Variants in P2RX4 observed in about 807,000 individuals in gnomAD.
P2RX4 encodes P2X purinoceptor 4.
A neutral mutation model predicts 48.0 loss-of-function variants in P2RX4; 37 were observed. The ratio of observed to expected loss-of-function variants is 0.77; its 90% CI spans 0.59 to 1.01. The LOEUF (loss-of-function observed/expected upper bound fraction) is 1.01, where lower values mean the gene tolerates loss of function less well. Among genes scored for constraint, P2RX4 ranks in the 50% least tolerant of loss-of-function variants. The pLI, the probability that P2RX4 is intolerant of heterozygous loss-of-function variation, is 0.00. For synonymous variants in P2RX4, 200 were observed against 199.7 expected (o/e 1.00, Z -0.01); for missense variants, 501 against 521.4 (o/e 0.96, Z 0.38).
At chr12:121,230,938 A>G (rs892292839) in intron 8 of P2RX4, among the ~76,000 whole-genome samples, 120 of 148,530 alleles carry the variant, frequency 8.1e-4, no homozygotes, top group African/African-American at 2.7e-3. Context: ...ATATATGTGT[A>G]TATATATATA....
intron 5 of P2RX4, 27 bp downstream of exon 5, chr12:121,223,070 G>C: frequency 6.9e-7 from 1 of 1,450,302 alleles, no homozygotes. Flanking sequence ...GGAAGGAAGT[G>C]CCTTTTTGTT....
intron 1 of P2RX4, among the ~76,000 whole-genome samples, chr12:121,212,453 G>C (rs1219155508): frequency 6.6e-6 from 1 of 150,622 alleles, no homozygotes; most frequent in African/African-American, 2.4e-5. Context: ...AGTTTAAAAT[G>C]GTAAATTGTA....
chr12:121,213,586 A>G (rs1230976572), intron 1 of P2RX4: 1 of 152,088 alleles, frequency 6.6e-6, no homozygotes, highest in African/African-American at 2.4e-5. Context: ...TTTGTCACCC[A>G]GACTGGAGTG....
intron 8 of P2RX4, among the ~76,000 whole-genome samples, chr12:121,231,557 C>T (rs1887361492): frequency 1.3e-5 from 2 of 152,102 alleles, no homozygotes; most frequent in Admixed American, 1.3e-4. Context: ...TTGCGTCTGG[C>T]TCCTTCCCCT....
At chr12:121,225,355 T>G (rs958672939) in intron 5 of P2RX4, among the ~76,000 whole-genome samples, 1 of 151,920 alleles carries the variant, frequency 6.6e-6, no homozygotes, top group African/African-American at 2.4e-5. Flanking sequence ...ATTATAGGTG[T>G]GAGCCACTGC....
chr12:121,221,887 T>C lies in P2RX4; in HGVS notation c.283-26T>C, dbSNP rs200741523. The C allele has an allele frequency of 1.5e-5, 24 of 1,610,726 alleles. No homozygotes were observed. In the African/African-American group the frequency reaches 2.8e-4, roughly 19 times the overall value. ...TCTCCGTGAGTCCTCTGAGCGTGGC[T>C]TGCCCGTGCTGTCTCCCCTCTGCAG... On this transcript the variant is annotated intron_variant, in intron 2 of 11. Transcript: ENST00000337233.
Position 121,232,792 on chromosome 12 carries a change from C to CCTT in P2RX4, c.1044+120_1044+122dup, listed in dbSNP as rs1325250653. 1 of 972,838 alleles carries CCTT rather than the reference C, an allele frequency of 1.0e-6. No individual in the cohort carries two copies. The highest frequency in any genetic ancestry group is 1.6e-6 in the Non-Finnish European group (1 of 609,208). 60.3% of individuals were successfully genotyped at this position (972,838 alleles called of 1,614,324 possible). On this transcript the variant is annotated intron_variant, in intron 10 of 11. Transcript: ENST00000337233. This position sits in a 1 kb window ranked among gnomAD's most constrained non-coding sequence, Gnocchi z 4.3. ...TGTGTTTCTAAACTTGACCCTCCTA[C>CCTT]CTTCTTTCCCTTGGCCCCCAGCCCT...
At chr12:121,221,324 T>C (rs1333434319) in intron 2 of P2RX4, among the ~76,000 whole-genome samples, 1 of 150,416 alleles carries the variant, frequency 6.6e-6, no homozygotes, top group Non-Finnish European at 1.5e-5. Flanking sequence ...GGACCCTTCA[T>C]TCCTTTTTAT....
In P2RX4 at chr12:121,221,993, C is replaced by T. The variant is rs371167689; in HGVS notation, c.354+9C>T. ...AGGGCCTGTGCCCCGAGGTAGGAGG[C>T]CCCCGGGAAGAGCCCCAGGCCCCAC... is the stretch of plus-strand genomic sequence containing the variant. On this transcript the variant is annotated intron_variant, in intron 3 of 11. Coordinates refer to ENST00000337233, the MANE Select transcript of P2RX4 (RefSeq NM_002560.3). The T allele has an allele frequency of 3.7e-6, 6 of 1,612,786 alleles. No individual in the cohort carries two copies. Among genetic ancestry groups the T allele is most frequent in the East Asian group, 2.2e-5 (1 of 44,864 alleles).
rs369148862 is a variant in P2RX4, at chr12:121,222,150, C to T, written c.411C>T (p.Ala137=). ...ATGCCAGCTGTACTGCCGGCTCTGCCGGCACCCACAGCAACGGTACGAGCT... is the reference window on the plus strand; with the variant it reads ...ATGCCAGCTGTACTGCCGGCTCTGCTGGCACCCACAGCAACGGTACGAGCT... The part of the protein sequence containing the change: ...KSDASCTAGS[A]GTHSNGVSTG... The change falls in exon 4 of 12, where the codon GCC becomes GCT. Residue 137 remains alanine (A), a synonymous_variant. Coordinates refer to ENST00000337233, the MANE Select transcript of P2RX4 (RefSeq NM_002560.3). The T allele has an allele frequency of 3.8e-5, 61 of 1,601,116 alleles. No individual in the cohort carries two copies. The highest frequency in any genetic ancestry group is 1.8e-4 in the Admixed American group (11 of 59,978).
rs1392673928 is a variant in P2RX4 at position 121,212,818 on chromosome 12, A to ATTTT, written c.134+2521_134+2522insTTTT. ...TATATATATATATATATATATATAT[A>ATTTT]TATATATTTTTTTTTTTTTTTTGGA... On this transcript the variant is annotated intron_variant, in intron 1 of 11. Transcript: ENST00000337233. The ATTTT allele has an allele frequency of 4.3e-3, 138 of 31,772 alleles. 1 individual carries two copies. Among genetic ancestry groups the ATTTT allele is most frequent in the Non-Finnish European group, 5.8e-3 (102 of 17,600 alleles). 2.0% of individuals were successfully genotyped at this position (31,772 alleles called of 1,614,324 possible).
Position 121,232,306 on chromosome 12 carries a change from C to A in P2RX4, c.885-108C>A. On this transcript the variant is annotated intron_variant, in intron 8 of 11. Transcript: ENST00000337233. The surrounding 1 kb of genome is among the most constrained non-coding windows in gnomAD (Gnocchi z 4.3). The stretch of plus-strand genomic sequence containing the variant: ...CCGAGCCGCTCCAGCGTCCATTCAG[C>A]CGGCAGAGTGGACCATTCACCTGTG... 1 of 797,158 alleles carries A rather than the reference C, an allele frequency of 1.3e-6. No individual in the cohort carries two copies. The highest frequency in any genetic ancestry group is 2.1e-6 in the Non-Finnish European group (1 of 470,534). The allele number at this position is 797,158 out of a possible 1,614,324, so 49.4% of individuals were successfully genotyped here.
At chr12:121,222,923 C>A (rs748070324) in intron 4 of P2RX4, 24 bp from the exon 5 acceptor site, 4 of 1,569,454 alleles carry the variant, frequency 2.5e-6, no homozygotes, top group Non-Finnish European at 3.5e-6. Context: ...ACATGGGACC[C>A]CCCTGCCACC....
chr12:121,222,356 G>T, intron 4 of P2RX4, 190 bp downstream of exon 4: 1 of 580,240 alleles, frequency 1.7e-6, no homozygotes. Context: ...CCCAGCTCTT[G>T]CCCTACTGTT....
At position 121,217,256 on chromosome 12, in the gene P2RX4, T is replaced by G. The variant is rs1886289029; in HGVS notation, c.257T>G (p.Val86Gly). The G allele has an allele frequency of 3.1e-6, 5 of 1,614,226 alleles. No homozygotes were observed. The highest frequency in any genetic ancestry group is 4.2e-6 in the Non-Finnish European group (5 of 1,180,038). The change falls in exon 2 of 12, where the codon GTG (valine) becomes GGG (glycine). Residue 86 changes from valine to glycine, a missense_variant. This residue lies in a region of P2RX4 where 295 missense variants were observed against 275.3 expected (regional missense o/e 1.07). Coordinates refer to ENST00000337233, the MANE Select transcript of P2RX4 (RefSeq NM_002560.3). ...AAACTTGGATTCCGGATCTGGGATG[T>G]GGCGGATTATGTGATACCAGCTCAG... is the stretch of plus-strand genomic sequence containing the variant. ...TSKLGFRIWD[V>G]ADYVIPAQEE... is the part of the protein sequence containing the mutation.
intron 5 of P2RX4, 25 bp from the exon 6 acceptor site, chr12:121,228,508 C>T (rs763377991): frequency 2.0e-6 from 3 of 1,487,520 alleles, no homozygotes; most frequent in Non-Finnish European, 9.3e-7. Flanking sequence ...ATTTTATTAA[C>T]AGTAATGTTA....
At chr12:121,222,209 A>G in intron 4 of P2RX4, 43 bp downstream of exon 4, 2 of 1,326,672 alleles carry the variant, frequency 1.5e-6, no homozygotes, top group South Asian at 2.3e-5. Flanking sequence ...CCCTGAGCAG[A>G]TCGCCCCCAC....
chr12:121,218,090 G>T (rs1566000771), intron 2 of P2RX4, among the ~76,000 whole-genome samples: 1 of 152,116 alleles, frequency 6.6e-6, no homozygotes, highest in Non-Finnish European at 1.5e-5. Flanking sequence ...GGGAAAACAA[G>T]AACTCCAGAA....
chr12:121,225,374 C>T (rs540945553), intron 5 of P2RX4, among the ~76,000 whole-genome samples: 4 of 150,842 alleles, frequency 2.7e-5, no homozygotes, highest in East Asian at 3.9e-4. Context: ...GCACCCAGCC[C>T]GATTCTGTTT....
Sources: gnomAD v4.1 joint callset for allele counts (sites outside exome capture counted in the v4.1 genomes callset) on GRCh38, gnomAD v4.1.1 for gene constraint, gnomAD v4.1.1 regional missense constraint, Gnocchi (gnomAD v3.1) non-coding constraint, MANE v1.5 for transcripts, NCBI Gene and HGNC (gene_info 2026-07-23, HGNC 2026-07-21) for gene names.